The following ASXL2 variants were observed in gnomAD, a reference collection of about 807,000 sequenced individuals.
The protein encoded by ASXL2 is putative Polycomb group protein ASXL2.
Under a neutral mutation model 122.0 loss-of-function variants are expected in ASXL2, and 23 were observed. The observed-to-expected ratio is 0.19, with a 90% CI of 0.14 to 0.27. ASXL2 has a LOEUF of 0.27. Ranked by LOEUF, ASXL2 falls within the 10% of genes least tolerant of loss-of-function variation. ASXL2 has a pLI of 1.00. For missense variants in ASXL2, 1,518 were observed against 1,713.8 expected, an observed-to-expected ratio of 0.89 and a Z score of 2.02; for synonymous variants, 650 against 637.0, an observed-to-expected ratio of 1.02 and a Z score of -0.31.
At position 25,741,950 on chromosome 2, in the gene ASXL2, A is replaced by G. The variant is rs1228148474; in HGVS notation, c.*79T>C. On this transcript the variant is annotated 3_prime_UTR_variant, in exon 13 of 13. Transcript: ENST00000435504. ...TGAAACCTACTTGTTTATTTCTGTGATTCCAAAAGGACGCAAAAAACCCAA... is the reference window on the plus strand; with the variant it reads ...TGAAACCTACTTGTTTATTTCTGTGGTTCCAAAAGGACGCAAAAAACCCAA... 2 of 1,370,868 alleles carry G rather than the reference A, an allele frequency of 1.5e-6. No individual in the cohort carries two copies. Among genetic ancestry groups the G allele is most frequent in the Non-Finnish European group, 2.0e-6 (2 of 1,000,020 alleles). The allele number at this position is 1,370,868 out of a possible 1,614,324, so 84.9% of individuals were successfully genotyped here.
chr2:25,808,373 C>T (rs932505381), intron 3 of ASXL2, among the ~76,000 whole-genome samples: 1 of 152,166 alleles, frequency 6.6e-6, no homozygotes, highest in Non-Finnish European at 1.5e-5. Flanking sequence ...CACTCTATCC[C>T]CCAGGCTGGA....
chr2:25,815,823 A>G (rs75551268), intron 3 of ASXL2, among the ~76,000 whole-genome samples: 293 of 152,330 alleles, frequency 1.9e-3, no homozygotes, highest in African/African-American at 6.8e-3. Flanking sequence ...GCCAGTTTAC[A>G]TCGTGTTTCC....
intron 3 of ASXL2, among the ~76,000 whole-genome samples, chr2:25,825,583 T>C (rs867983924): frequency 6.6e-6 from 1 of 152,234 alleles, no homozygotes. Flanking sequence ...GCACAATGTC[T>C]TCAAGATTCA....
At chr2:25,837,394 T>C (rs1431009011) in intron 2 of ASXL2, among the ~76,000 whole-genome samples, 1 of 152,214 alleles carries the variant, frequency 6.6e-6, no homozygotes, top group Admixed American at 6.5e-5. Flanking sequence ...ATACAACTAG[T>C]CTCAAGTTCT....
Position 25,749,842 on chromosome 2 carries a change from G to A in ASXL2, c.1714C>T (p.Leu572Phe). The part of the protein sequence containing the change: ...SPESLKRKSS[L>F]TQEEAPVSWE... The stretch of plus-strand genomic sequence containing the variant: ...CTCACAGGGGCCTCTTCTTGGGTGA[G>A]GGAAGACTTCCTCTTGAGGCTTTCT... Residue 572 changes from leucine (L) to phenylalanine (F), a missense_variant, in exon 12 of 13, where the codon CTC (leucine) becomes TTC (phenylalanine). Coordinates refer to ENST00000435504, the MANE Select transcript of ASXL2 (RefSeq NM_018263.6). 1 of 1,610,204 alleles carries A rather than the reference G, an allele frequency of 6.2e-7. No homozygotes were observed. The highest frequency in any genetic ancestry group is 2.2e-5 in the East Asian group (1 of 44,854).
chr2:25,823,846 T>G (rs1394502709), intron 3 of ASXL2, among the ~76,000 whole-genome samples: 2 of 152,200 alleles, frequency 1.3e-5, no homozygotes, highest in African/African-American at 4.8e-5. Flanking sequence ...TTCTTGGCTG[T>G]CCTTTTAAGT....
chr2:25,743,863 C>A lies in ASXL2; in HGVS notation c.2474G>T (p.Ser825Ile). 1 of 1,614,028 alleles carries A rather than the reference C, an allele frequency of 6.2e-7. No homozygotes were observed. Among genetic ancestry groups the A allele is most frequent in the South Asian group, 1.1e-5 (1 of 91,090 alleles). The change falls in exon 13 of 13, where the codon AGT becomes ATT. Residue 825 changes from serine to isoleucine, a missense_variant. Coordinates refer to ENST00000435504, the MANE Select transcript of ASXL2 (RefSeq NM_018263.6). ...AGGTGCTTTCTCCTGTCTGCAACTA[C>A]TGGGCCCTTGTGGATGGCTGACAGA... ...VASVSHPQGP[S>I]SCRQEKAPSP...
At chr2:25,816,881 T>G (rs1239573530) in intron 3 of ASXL2, among the ~76,000 whole-genome samples, 2 of 152,178 alleles carry the variant, frequency 1.3e-5, no homozygotes, top group African/African-American at 4.8e-5. Flanking sequence ...TCCCAACACT[T>G]TGGGAGGCCG....
intron 5 of ASXL2, among the ~76,000 whole-genome samples, chr2:25,797,967 A>T (rs2088935018): frequency 6.6e-6 from 1 of 152,274 alleles, no homozygotes; most frequent in South Asian, 2.1e-4. Context: ...ATAATTGCCA[A>T]AACTTGGAAG....
chr2:25,843,828 A>AG (rs2089616775), intron 2 of ASXL2, among the ~76,000 whole-genome samples: 1 of 151,516 alleles, frequency 6.6e-6, no homozygotes, highest in African/African-American at 2.4e-5. Context: ...AAAAAAAAAA[A>AG]AAAAGAAAGA....
At chr2:25,799,727 T>C (rs1247314499) in intron 4 of ASXL2, among the ~76,000 whole-genome samples, 192 bp from the exon 5 acceptor site, 1 of 152,188 alleles carries the variant, frequency 6.6e-6, no homozygotes, top group Non-Finnish European at 1.5e-5. Flanking sequence ...TCCAACTATA[T>C]CCGAAGATAA....
chr2:25,747,797 C>T (rs1333002963), intron 12 of ASXL2, among the ~76,000 whole-genome samples: 2 of 151,812 alleles, frequency 1.3e-5, no homozygotes, highest in East Asian at 1.9e-4. Flanking sequence ...GAATCTCTGG[C>T]GATGCATGTT....
At chr2:25,845,731 T>C (rs1245582356) in intron 1 of ASXL2, among the ~76,000 whole-genome samples, 168 bp from the exon 2 acceptor site, 2 of 152,178 alleles carry the variant, frequency 1.3e-5, no homozygotes, top group Non-Finnish European at 2.9e-5. Flanking sequence ...ATCCCTTCAC[T>C]ACCTGTGACC....
In ASXL2 at chr2:25,743,079, T is replaced by A. The variant is rs761182972; in HGVS notation, c.3258A>T (p.Ser1086=). 1 of 1,614,012 alleles carries A rather than the reference T, an allele frequency of 6.2e-7. No individual in the cohort carries two copies. Among genetic ancestry groups the A allele is most frequent in the Admixed American group, 1.7e-5 (1 of 60,024 alleles). ...RQNLLSVVPP[S]QFNFAHSGFQ... ...AACCTGAGTGAGCGAAGTTGAACTG[T>A]GAGGGCGGCACAACTGAGAGAAGAT... Residue 1086 remains serine, a synonymous_variant, in exon 13 of 13, where the codon TCA becomes TCT. Coordinates refer to ENST00000435504, the MANE Select transcript of ASXL2 (RefSeq NM_018263.6).
At chr2:25,808,893 G>T (rs2089123209) in intron 3 of ASXL2, among the ~76,000 whole-genome samples, 1 of 152,226 alleles carries the variant, frequency 6.6e-6, no homozygotes. Flanking sequence ...GGTAGGGAAA[G>T]AAACTTTAAA....
chr2:25,736,815 TTC>T lies in ASXL2; in HGVS notation c.*5212_*5213del. On this transcript the variant is annotated 3_prime_UTR_variant, in exon 13 of 13. Transcript: ENST00000435504. ...CTCGAAAATCTGACCTTAACAATTT[TTC>T]TTTTAGGTCATCAATGATTCGATAT... is the stretch of plus-strand genomic sequence containing the variant. 6.6e-6 allele frequency: 1 copy of T among 152,340 alleles called. No homozygotes were observed. The highest frequency in any genetic ancestry group is 2.1e-4 in the South Asian group (1 of 4,824). The allele number at this position is 152,340 out of a possible 1,614,324, so 9.4% of individuals were successfully genotyped here. A position where few individuals can be genotyped will look rare whatever the true frequency, so the allele number is the denominator to read the frequency against.
intron 1 of ASXL2, chr2:25,856,363 CTTTTTT>C (rs70950127): frequency 4.5e-4 from 106 of 235,504 alleles, no homozygotes; most frequent in East Asian, 1.2e-3. Flanking sequence ...CTGGCCTATA[CTTTTTT>C]TTTTTTTTTT....
intron 2 of ASXL2, among the ~76,000 whole-genome samples, chr2:25,844,575 C>CA (rs796783017): frequency 1.1e-3 from 129 of 118,976 alleles, no homozygotes; most frequent in South Asian, 3.5e-3. Context: ...GACTCCGTCT[C>CA]AAAAAAAAAA....
rs2087917496 is a variant in ASXL2 at position 25,744,982 on chromosome 2, T to TACAC, written c.1861-507_1861-506insGTGT. The stretch of plus-strand genomic sequence containing the variant: ...ACACACACACACACACACACACACT[T>TACAC]GGGCTGGATTATCTCAAATTACACA... On this transcript the variant is annotated intron_variant, in intron 12 of 12. Coordinates refer to ENST00000435504, the MANE Select transcript of ASXL2 (RefSeq NM_018263.6). The surrounding 1 kb of genome is among the most constrained non-coding windows in gnomAD (Gnocchi z 4.7). Among the ~76,000 whole-genome samples the TACAC allele has an allele frequency of 8.0e-6, 1 of 124,858 alleles. No individual in the cohort carries two copies. The allele number at this position is 124,858 out of a possible 152,430, so 81.9% of individuals were successfully genotyped here. A position where few individuals can be genotyped will look rare whatever the true frequency, so the allele number is the denominator to read the frequency against.
Sources: gnomAD v4.1 joint callset for allele counts (sites outside exome capture counted in the v4.1 genomes callset) on GRCh38, gnomAD v4.1.1 for gene constraint, Gnocchi (gnomAD v3.1) non-coding constraint, MANE v1.5 for transcripts, NCBI Gene and HGNC (gene_info 2026-07-23, HGNC 2026-07-21) for gene names.